Variants in NOL4 observed in about 807,000 individuals in gnomAD.
NOL4 encodes the protein nucleolar protein 4, also known as cancer/testis antigen 125.
Under a neutral mutation model 75.9 loss-of-function variants are expected in NOL4, and 17 were observed. The ratio of observed to expected loss-of-function variants is 0.22; its 90% CI spans 0.15 to 0.34. The LOEUF is 0.34. Ranked by LOEUF, NOL4 falls within the 10% of genes least tolerant of loss-of-function variation. The pLI is 1.00. For missense variants in NOL4, 614 were observed against 793.5 expected, an observed-to-expected ratio of 0.77 and a Z score of 2.72; for synonymous variants, 292 against 289.9, an observed-to-expected ratio of 1.01 and a Z score of -0.07.
At chr18:34,197,061 T>C (rs546349630) in intron 1 of NOL4, among the ~76,000 whole-genome samples, 18 of 151,672 alleles carry the variant, frequency 1.2e-4, no homozygotes, top group African/African-American at 4.3e-4. Flanking sequence ...ATTACTCTCA[T>C]TTATAGAAAA....
In NOL4 at chr18:34,224,765, G is replaced by C. The variant is rs2037506212; in HGVS notation, c.-1512C>G. 2 of 153,862 alleles carry C rather than the reference G, an allele frequency of 1.3e-5. No individual in the cohort carries two copies. Among genetic ancestry groups the C allele is most frequent in the Admixed American group, 6.5e-5 (1 of 15,308 alleles). The allele number at this position is 153,862 out of a possible 1,614,324, so 9.5% of individuals were successfully genotyped here. On this transcript the variant is annotated 5_prime_UTR_variant, in exon 1 of 11. Transcript: ENST00000261592. ...ATGGTCAGTGGCTCCTGCTCGGCCA[G>C]GCTGAGTGTGTGCGTGTGTGTGAGC...
At chr18:33,994,224 C>T (rs2073117433) in intron 6 of NOL4, among the ~76,000 whole-genome samples, 2 of 151,878 alleles carry the variant, frequency 1.3e-5, no homozygotes. Flanking sequence ...CAACACTCCA[C>T]TTCCTGGAAT....
At chr18:34,193,893 G>C (rs2035104640) in intron 1 of NOL4, among the ~76,000 whole-genome samples, 1 of 152,140 alleles carries the variant, frequency 6.6e-6, no homozygotes. Flanking sequence ...GCAAATACAT[G>C]CAGCATTAAT....
chr18:33,992,403 C>A (rs1340874472), intron 6 of NOL4, among the ~76,000 whole-genome samples: 1 of 151,968 alleles, frequency 6.6e-6, no homozygotes, highest in Non-Finnish European at 1.5e-5. Flanking sequence ...CATACCTCAG[C>A]AAAATTGGTG....
At chr18:34,217,444 C>A (rs2036977941) in intron 1 of NOL4, among the ~76,000 whole-genome samples, 1 of 151,834 alleles carries the variant, frequency 6.6e-6, no homozygotes, top group Non-Finnish European at 1.5e-5. Flanking sequence ...ATGGCCACAC[C>A]CAGCTAATTT....
chr18:34,044,972 G>C lies in NOL4; in HGVS notation c.773-25371C>G, dbSNP rs570398634. Among the ~76,000 whole-genome samples, 9 of 152,264 alleles carry C rather than the reference G, an allele frequency of 5.9e-5. No homozygotes were observed. In the East Asian group the frequency reaches 1.7e-3, roughly 29 times the overall value. ...AATTTTCCATTGGTCATGCTCACCA[G>C]ACTGAGTGTTTTTATGAAATCTTGA... is the stretch of plus-strand genomic sequence containing the variant. On this transcript the variant is annotated intron_variant, in intron 5 of 10. Coordinates refer to ENST00000261592, the MANE Select transcript of NOL4 (RefSeq NM_003787.5).
At chr18:33,950,155 T>C (rs1021462281) in intron 8 of NOL4, among the ~76,000 whole-genome samples, 8 of 151,964 alleles carry the variant, frequency 5.3e-5, no homozygotes, top group African/African-American at 9.7e-5. Flanking sequence ...TTCCCACTAA[T>C]TGTTAAATAG....
At chr18:34,074,758 T>C (rs1304802902) in intron 5 of NOL4, among the ~76,000 whole-genome samples, 1 of 152,074 alleles carries the variant, frequency 6.6e-6, no homozygotes, top group African/African-American at 2.4e-5. Context: ...ATAAAAATGG[T>C]TCTTAAGAGA....
At position 34,111,083 on chromosome 18, in the gene NOL4, G is replaced by C. The variant is rs74343849; in HGVS notation, c.415-5923C>G. 4.1e-3 allele frequency among the ~76,000 whole-genome samples: 625 copies of C among 152,202 alleles called. 5 individuals are homozygous for C. Among genetic ancestry groups the C allele is most frequent in the African/African-American group, 0.014 (567 of 41,536 alleles). ...TAATCTCTTTAATAAATGGTATTTG[G>C]AAACTGGATAACCAAATGTGGAAGA... On this transcript the variant is annotated intron_variant, in intron 2 of 10. Coordinates refer to ENST00000261592, the MANE Select transcript of NOL4 (RefSeq NM_003787.5).
chr18:34,133,729 AAAT>A (rs1471408939), intron 1 of NOL4, among the ~76,000 whole-genome samples: 2 of 152,180 alleles, frequency 1.3e-5, no homozygotes, highest in Admixed American at 1.3e-4. Context: ...CAAAAAGGTC[AAAT>A]AAGAAAGTTG....
chr18:33,967,622 A>G (rs2070710038), intron 6 of NOL4, among the ~76,000 whole-genome samples: 2 of 152,216 alleles, frequency 1.3e-5, no homozygotes, highest in Non-Finnish European at 1.5e-5. Context: ...TTCAACCAAC[A>G]AAAAACAACC....
chr18:34,031,288 G>T (rs2144658207), intron 5 of NOL4, among the ~76,000 whole-genome samples: 1 of 152,316 alleles, frequency 6.6e-6, no homozygotes, highest in Non-Finnish European at 1.5e-5. Flanking sequence ...GAAGACTCCA[G>T]TCCTGTGTTT....
At chr18:33,920,807 AGACTGAAAAGG>A (rs1485967821) in intron 9 of NOL4, among the ~76,000 whole-genome samples, 1 of 152,228 alleles carries the variant, frequency 6.6e-6, no homozygotes, top group Non-Finnish European at 1.5e-5. Flanking sequence ...CTGTCAGCCC[AGACTGAAAAGG>A]GACAGAGATG....
chr18:33,964,210 T>C (rs2070385577), intron 6 of NOL4, among the ~76,000 whole-genome samples: 2 of 152,182 alleles, frequency 1.3e-5, no homozygotes, highest in South Asian at 2.1e-4. Flanking sequence ...AGTAAACGTT[T>C]TCTGAGTGAG....
chr18:34,216,539 T>C (rs1239870013), intron 1 of NOL4, among the ~76,000 whole-genome samples: 1 of 151,302 alleles, frequency 6.6e-6, no homozygotes, highest in Non-Finnish European at 1.5e-5. Context: ...AATAGGAAAA[T>C]AATGTTTAAA....
intron 1 of NOL4, among the ~76,000 whole-genome samples, chr18:34,200,734 TA>T (rs2035675199): frequency 6.6e-6 from 1 of 151,666 alleles, no homozygotes; most frequent in Admixed American, 6.6e-5. Flanking sequence ...GCTGCCAATA[TA>T]AAAAAGTTGA....
intron 5 of NOL4, among the ~76,000 whole-genome samples, chr18:34,079,999 G>A (rs2077928845): frequency 6.6e-6 from 1 of 152,136 alleles, no homozygotes; most frequent in Non-Finnish European, 1.5e-5. Context: ...AAGGAGATGT[G>A]GTAAGCAGAA....
At chr18:34,032,249 C>T (rs138034973) in intron 5 of NOL4, among the ~76,000 whole-genome samples, 95 of 152,302 alleles carry the variant, frequency 6.2e-4, no homozygotes, top group Middle Eastern at 3.4e-3. Flanking sequence ...GAAGGTAGCA[C>T]CACCCTATCC....
chr18:34,001,482 C>G (rs905878393), intron 6 of NOL4, among the ~76,000 whole-genome samples: 1 of 151,988 alleles, frequency 6.6e-6, no homozygotes, highest in African/African-American at 2.4e-5. Flanking sequence ...ATATTAATGT[C>G]TTAAAGACTT....
Sources: allele counts gnomAD v4.1 joint callset (sites outside exome capture counted in the v4.1 genomes callset), GRCh38; gene constraint gnomAD v4.1.1; transcripts MANE v1.5; gene names NCBI Gene and HGNC (gene_info 2026-07-23, HGNC 2026-07-21).